TMEM30A: variants seen among roughly 807,000 people sequenced by gnomAD.
The protein encoded by TMEM30A is cell division cycle 50 P4-ATPase accessory subunit A, also known as cell cycle control protein 50A.
A neutral mutation model predicts 38.2 loss-of-function variants in TMEM30A; 24 were observed. The observed-to-expected ratio is 0.63, with a 90% CI of 0.46 to 0.88. TMEM30A has a LOEUF of 0.88. Ranked by LOEUF, TMEM30A falls within the 40% of genes least tolerant of loss-of-function variation. The probability of loss-of-function intolerance (pLI) is 0.00; values close to 1 mark genes in which losing one functional copy is unlikely to be tolerated. For missense variants in TMEM30A, 370 were observed against 458.6 expected, an observed-to-expected ratio of 0.81 and a Z score of 1.77; for synonymous variants, 145 against 161.6, an observed-to-expected ratio of 0.90 and a Z score of 0.78.
intron 3 of TMEM30A, among the ~76,000 whole-genome samples, chr6:75,262,067 C>A (rs898261883): frequency 1.3e-4 from 20 of 152,170 alleles, no homozygotes; most frequent in African/African-American, 4.8e-4. Context: ...TTGATGAGGG[C>A]CGGGTGCGGT....
chr6:75,279,511 A>C (rs942545911), intron 1 of TMEM30A, among the ~76,000 whole-genome samples: 1 of 152,166 alleles, frequency 6.6e-6, no homozygotes, highest in East Asian at 1.9e-4. Flanking sequence ...CATTTTGAAA[A>C]ATTAATGCTT....
rs570827963 is a variant in TMEM30A, at chr6:75,279,657, T to C, written c.237+4745A>G. 1.2e-4 allele frequency among the ~76,000 whole-genome samples: 19 copies of C among 152,340 alleles called. No individual in the cohort carries two copies. In the South Asian group the frequency reaches 3.9e-3, roughly 32 times the overall value. On this transcript the variant is annotated intron_variant, in intron 1 of 6. Coordinates refer to ENST00000230461, the MANE Select transcript of TMEM30A (RefSeq NM_018247.4). ...AGATGAGCAGATAGGAGATATCACA[T>C]TCTCAGCTTTGTTTTGCTACCACTG...
chr6:75,267,377 C>A (rs1772087155), intron 2 of TMEM30A, among the ~76,000 whole-genome samples: 2 of 152,120 alleles, frequency 1.3e-5, no homozygotes, highest in Non-Finnish European at 2.9e-5. Flanking sequence ...ACAGTCATAA[C>A]ATTATCTGTT....
chr6:75,253,598 C>T lies in TMEM30A; in HGVS notation c.*2504G>A, dbSNP rs1771819297. 1 of 152,498 alleles carries T rather than the reference C, an allele frequency of 6.6e-6. No homozygotes were observed. The highest frequency in any genetic ancestry group is 1.5e-5 in the Non-Finnish European group (1 of 67,988). The allele number at this position is 152,498 out of a possible 1,614,324, so 9.4% of individuals were successfully genotyped here. On this transcript the variant is annotated 3_prime_UTR_variant, in exon 7 of 7. Coordinates refer to ENST00000230461, the MANE Select transcript of TMEM30A (RefSeq NM_018247.4). ...GAGCATTGTTATTTTATCAAGACAC[C>T]TGAACATAGCAAAATTAATTTTGTT...
intron 1 of TMEM30A, among the ~76,000 whole-genome samples, chr6:75,268,911 T>A (rs77740405): frequency 0.024 from 3,706 of 152,320 alleles, 79 homozygotes; most frequent in Middle Eastern, 0.048. Context: ...AGTGCCAGAA[T>A]TGAATTGCAG....
At chr6:75,266,697 C>G (rs1025958951) in intron 2 of TMEM30A, among the ~76,000 whole-genome samples, 2 of 152,264 alleles carry the variant, frequency 1.3e-5, no homozygotes, top group African/African-American at 4.8e-5. Flanking sequence ...TCAATTCTGC[C>G]TGTTCTGACA....
At chr6:75,276,938 G>A (rs995191481) in intron 1 of TMEM30A, among the ~76,000 whole-genome samples, 1 of 151,952 alleles carries the variant, frequency 6.6e-6, no homozygotes, top group Non-Finnish European at 1.5e-5. Flanking sequence ...TCTTCTGCCT[G>A]GAACATTCTT....
intron 1 of TMEM30A, among the ~76,000 whole-genome samples, chr6:75,270,532 T>C (rs1341616372): frequency 6.6e-6 from 1 of 152,122 alleles, no homozygotes; most frequent in East Asian, 1.9e-4. Context: ...ATCTCTATCA[T>C]CTGAGGACAA....
At chr6:75,264,328 T>G (rs1772025301) in intron 3 of TMEM30A, among the ~76,000 whole-genome samples, 1 of 152,200 alleles carries the variant, frequency 6.6e-6, no homozygotes, top group East Asian at 1.9e-4. Context: ...TTTGCTGCAT[T>G]GGCAACAGTA....
Position 75,258,770 on chromosome 6 carries a change from A to G in TMEM30A, c.892+10T>C, listed in dbSNP as rs1237401341. On this transcript the variant is annotated intron_variant, in intron 6 of 6. Transcript: ENST00000230461. ...TCTATGAATCTGTATACCCAGCCAAAAAAGGATACTGTATGTGACATTCAA... is the reference window on the plus strand; with the variant it reads ...TCTATGAATCTGTATACCCAGCCAAGAAAGGATACTGTATGTGACATTCAA... 5.6e-6 allele frequency: 9 copies of G among 1,613,148 alleles called. No homozygotes were observed. The highest frequency in any genetic ancestry group is 6.8e-6 in the Non-Finnish European group (8 of 1,179,370).
rs1771825495 is a variant in TMEM30A, at chr6:75,253,922, T to TA, written c.*2179_*2180insT. On this transcript the variant is annotated 3_prime_UTR_variant, in exon 7 of 7. Coordinates refer to ENST00000230461, the MANE Select transcript of TMEM30A (RefSeq NM_018247.4). ...ATCCTTCAATGTCTTCTACTTAAGC[T>TA]GGGTGCATTTAAAATGCAACACAAT... 2 of 152,170 alleles carry TA rather than the reference T, an allele frequency of 1.3e-5. No homozygotes were observed. Among genetic ancestry groups the TA allele is most frequent in the Admixed American group, 1.3e-4 (2 of 15,250 alleles). The allele number at this position is 152,170 out of a possible 1,614,324, so 9.4% of individuals were successfully genotyped here.
chr6:75,276,052 T>G (rs1427380854), intron 1 of TMEM30A, among the ~76,000 whole-genome samples: 1 of 152,150 alleles, frequency 6.6e-6, no homozygotes, highest in Non-Finnish European at 1.5e-5. Flanking sequence ...GTCAATCATG[T>G]GTACATAATG....
At chr6:75,264,493 G>A (rs1003719274) in intron 3 of TMEM30A, among the ~76,000 whole-genome samples, 1 of 151,872 alleles carries the variant, frequency 6.6e-6, no homozygotes, top group East Asian at 1.9e-4. Context: ...AAAATTAGCC[G>A]GGCTTGGTGA....
intron 3 of TMEM30A, among the ~76,000 whole-genome samples, chr6:75,263,291 A>G (rs1328669068): frequency 6.6e-6 from 1 of 152,224 alleles, no homozygotes; most frequent in Non-Finnish European, 1.5e-5. Context: ...GTGATGAGAT[A>G]AGAGGATTAC....
At chr6:75,284,246 GAGAA>G in intron 1 of TMEM30A, 152 bp downstream of exon 1, 1 of 735,452 alleles carries the variant, frequency 1.4e-6, no homozygotes, top group Non-Finnish European at 2.3e-6. Flanking sequence ...CCCGCAGAAA[GAGAA>G]AGAAAAAACA....
intron 1 of TMEM30A, 105 bp from the exon 2 acceptor site, chr6:75,267,853 C>G: frequency 1.5e-6 from 1 of 655,428 alleles, no homozygotes; most frequent in Non-Finnish European, 2.4e-6. Flanking sequence ...AATGAAATGA[C>G]CTAGAGCTCA....
intron 1 of TMEM30A, among the ~76,000 whole-genome samples, chr6:75,281,654 T>C (rs1289470511): frequency 6.6e-6 from 1 of 152,204 alleles, no homozygotes; most frequent in Non-Finnish European, 1.5e-5. Flanking sequence ...GATTTTATAC[T>C]TGAAAAAGTT....
intron 1 of TMEM30A, 94 bp downstream of exon 1, chr6:75,284,308 A>G (rs1464527052): frequency 8.8e-6 from 11 of 1,247,648 alleles, no homozygotes; most frequent in African/African-American, 1.5e-5. Flanking sequence ...TCAGCCAGTC[A>G]ACTGGATTCT....
intron 1 of TMEM30A, among the ~76,000 whole-genome samples, chr6:75,279,016 C>CTGTGCCACTCA (rs1772310174): frequency 1.3e-5 from 2 of 151,726 alleles, no homozygotes; most frequent in African/African-American, 4.8e-5. Context: ...ATATTCTTGC[C>CTGTGCCACTCA]TGTGCCACTC....
Sources: gnomAD v4.1 joint callset for allele counts (sites outside exome capture counted in the v4.1 genomes callset) on GRCh38, gnomAD v4.1.1 for gene constraint, MANE v1.5 for transcripts, NCBI Gene and HGNC (gene_info 2026-07-23, HGNC 2026-07-21) for gene names.